The following KAZN variants were observed in gnomAD, a reference collection of about 807,000 sequenced individuals.
KAZN encodes the protein kazrin, periplakin interacting protein.
KAZN carries 40 observed loss-of-function variants against 87.4 expected under a neutral mutation model. The ratio of observed to expected loss-of-function variants is 0.46; its 90% CI spans 0.36 to 0.60. The LOEUF is 0.60. KAZN is among the 20% of genes least tolerant of loss of function. The pLI, the probability that KAZN is intolerant of heterozygous loss-of-function variation, is 0.00. For missense variants in KAZN, 898 were observed against 1,073.9 expected (o/e 0.84, Z 2.29); for synonymous variants, 466 against 458.3 (o/e 1.02, Z -0.22).
At chr1:14,152,874 A>C (rs1645506645) in intron 1 of KAZN, among the ~76,000 whole-genome samples, 1 of 152,188 alleles carries the variant, frequency 6.6e-6, no homozygotes, top group Non-Finnish European at 1.5e-5. Context: ...CTTTTGGATA[A>C]AAGCCATTTT....
chr1:14,302,041 G>A (rs1654592408), intron 2 of KAZN, among the ~76,000 whole-genome samples: 1 of 152,170 alleles, frequency 6.6e-6, no homozygotes, highest in South Asian at 2.1e-4. Flanking sequence ...CCTACCTAGT[G>A]CAAGATCTGG....
intron 2 of KAZN, among the ~76,000 whole-genome samples, chr1:14,404,720 T>G (rs1044701173): frequency 6.6e-6 from 1 of 152,204 alleles, no homozygotes; most frequent in Non-Finnish European, 1.5e-5. Context: ...GTTAAGAGAA[T>G]GAAGTACTGA....
At chr1:15,067,551 A>C in intron 8 of KAZN, 1 of 985,490 alleles carries the variant, frequency 1.0e-6, no homozygotes, top group Admixed American at 6.1e-5. Context: ...TCTAGACAAC[A>C]GTAGTCGTGC....
intron 1 of KAZN, among the ~76,000 whole-genome samples, chr1:14,771,140 A>G (rs1218903401): frequency 6.6e-6 from 1 of 152,166 alleles, no homozygotes; most frequent in Non-Finnish European, 1.5e-5. Context: ...CCATATGAAC[A>G]ATATGCTATC....
At chr1:14,662,447 G>A (rs1390308716) in intron 1 of KAZN, among the ~76,000 whole-genome samples, 2 of 152,154 alleles carry the variant, frequency 1.3e-5, no homozygotes, top group African/African-American at 4.8e-5. Context: ...TTGTCTTCGG[G>A]ACTAAACAGG....
At chr1:14,897,394 A>C (rs2101219570) in intron 1 of KAZN, among the ~76,000 whole-genome samples, 1 of 152,286 alleles carries the variant, frequency 6.6e-6, no homozygotes, top group South Asian at 2.1e-4. Flanking sequence ...ATTGGCTTAA[A>C]CCAGCAGTTC....
At chr1:14,345,262 G>A (rs1282710312) in intron 2 of KAZN, among the ~76,000 whole-genome samples, 1 of 152,170 alleles carries the variant, frequency 6.6e-6, no homozygotes, top group Non-Finnish European at 1.5e-5. Flanking sequence ...GCGTAAACCA[G>A]TGGTTATCAA....
chr1:14,222,245 G>A (rs554375826), intron 2 of KAZN: 5 of 152,240 alleles, frequency 3.3e-5, no homozygotes, highest in East Asian at 3.9e-4. Flanking sequence ...AAGATTATTC[G>A]TGGGGGATTA....
At chr1:14,956,124 T>C (rs1347297089) in intron 1 of KAZN, among the ~76,000 whole-genome samples, 1 of 152,132 alleles carries the variant, frequency 6.6e-6, no homozygotes, top group Non-Finnish European at 1.5e-5. Context: ...CTGTGCAGCA[T>C]ACATGACAAC....
intron 2 of KAZN, among the ~76,000 whole-genome samples, chr1:14,436,454 T>C (rs57032031): frequency 0.098 from 14,928 of 151,856 alleles, 1,134 homozygotes; most frequent in African/African-American, 0.2. Context: ...TTGTTTAAAC[T>C]TTAAAACAAT....
At chr1:14,139,119 T>C (rs1228232938) in intron 1 of KAZN, among the ~76,000 whole-genome samples, 2 of 152,220 alleles carry the variant, frequency 1.3e-5, no homozygotes, top group Non-Finnish European at 2.9e-5. Context: ...CCTTAATGCA[T>C]TAATTGCTAC....
intron 2 of KAZN, among the ~76,000 whole-genome samples, chr1:14,478,002 C>A (rs74923602): frequency 6.6e-5 from 10 of 152,170 alleles, no homozygotes; most frequent in African/African-American, 1.9e-4. Context: ...CACAGCTCAC[C>A]GCTAGGTGAA....
At chr1:14,439,126 C>T (rs1336382019) in intron 2 of KAZN, among the ~76,000 whole-genome samples, 1 of 152,178 alleles carries the variant, frequency 6.6e-6, no homozygotes, top group Non-Finnish European at 1.5e-5. Flanking sequence ...CAAAACTGAA[C>T]TCATCGTTTT....
intron 1 of KAZN, among the ~76,000 whole-genome samples, chr1:14,616,009 G>A (rs1678209638): frequency 6.6e-6 from 1 of 152,182 alleles, no homozygotes; most frequent in Admixed American, 6.5e-5. Context: ...GACATGCGCA[G>A]GAGAGACACT....
intron 2 of KAZN, chr1:14,180,742 G>T (rs991882898): frequency 1.6e-6 from 1 of 617,182 alleles, no homozygotes; most frequent in African/African-American, 1.9e-5. Context: ...TTGGATTTCT[G>T]ATTAGATCTT....
chr1:14,353,486 T>C (rs1658732336), intron 2 of KAZN, among the ~76,000 whole-genome samples: 1 of 152,176 alleles, frequency 6.6e-6, no homozygotes, highest in Non-Finnish European at 1.5e-5. Flanking sequence ...CCCAAAGTGC[T>C]AGGATTACAG....
chr1:14,271,068 C>T (rs1010746275), intron 2 of KAZN, among the ~76,000 whole-genome samples: 2 of 152,320 alleles, frequency 1.3e-5, no homozygotes, highest in African/African-American at 2.4e-5. Context: ...GCTGGAAGTC[C>T]AGCAGGGTTG....
chr1:14,972,731 T>G (rs1325656629), intron 2 of KAZN, among the ~76,000 whole-genome samples: 1 of 151,956 alleles, frequency 6.6e-6, no homozygotes, highest in East Asian at 1.9e-4. Context: ...GCCAGGCTGG[T>G]CTCGAACTCC....
intron 2 of KAZN, among the ~76,000 whole-genome samples, chr1:14,205,140 A>T (rs1019894816): frequency 6.6e-6 from 1 of 152,238 alleles, no homozygotes; most frequent in Non-Finnish European, 1.5e-5. Flanking sequence ...GCCATGACTG[A>T]GCAGCCATCA....
Sources: allele counts gnomAD v4.1 joint callset (sites outside exome capture counted in the v4.1 genomes callset), GRCh38; gene constraint gnomAD v4.1.1; transcripts MANE v1.5; gene names NCBI Gene and HGNC (gene_info 2026-07-23, HGNC 2026-07-21).